Variants in BTAF1 observed in about 807,000 individuals in gnomAD.
The protein encoded by BTAF1 is TATA-binding protein-associated factor 172.
Under a neutral mutation model 227.1 loss-of-function variants are expected in BTAF1, and 38 were observed. The observed-to-expected ratio is 0.17, with a 90% CI of 0.13 to 0.22. The LOEUF (loss-of-function observed/expected upper bound fraction) is 0.22, where lower values mean the gene tolerates loss of function less well. BTAF1 is among the 10% of genes least tolerant of loss of function. BTAF1 has a pLI of 1.00. For synonymous variants in BTAF1, 742 were observed against 751.9 expected, an observed-to-expected ratio of 0.99 and a Z score of 0.21; for missense variants, 1,598 against 2,204.0, an observed-to-expected ratio of 0.73 and a Z score of 5.51.
intron 26 of BTAF1, 40 bp downstream of exon 26, chr10:92,008,315 C>T (rs756001892): frequency 6.6e-7 from 1 of 1,504,310 alleles, no homozygotes; most frequent in Non-Finnish European, 8.8e-7. Context: ...TTCAAATGAA[C>T]CTTGAAGCGT....
At chr10:91,986,035 T>A (rs10882012) in intron 19 of BTAF1, among the ~76,000 whole-genome samples, 41,345 of 151,826 alleles carry the variant, frequency 0.27, 6,880 homozygotes, top group Non-Finnish European at 0.38. Context: ...TTTTTTTTTT[T>A]AACTTTCCAA....
At position 91,992,317 on chromosome 10, in the gene BTAF1, GTTT is replaced by G. The variant is rs112721454; in HGVS notation, c.3045+21_3045+23del. 124 of 1,406,354 alleles carry G rather than the reference GTTT, an allele frequency of 8.8e-5. No homozygotes were observed. Among genetic ancestry groups the G allele is most frequent in the South Asian group, 2.4e-4 (16 of 67,186 alleles). The allele number at this position is 1,406,354 out of a possible 1,614,324, so 87.1% of individuals were successfully genotyped here. ...CTTGTTGAACTTGATGAGGTAAGTA[GTTT>G]TTTTTTTTTTTTAATGCTTTGATTT... is the stretch of plus-strand genomic sequence containing the variant. On this transcript the variant is annotated intron_variant, in intron 21 of 37. Transcript: ENST00000265990.
intron 20 of BTAF1, among the ~76,000 whole-genome samples, chr10:91,991,797 GTATATATATATATATA>G (rs1166615338): frequency 2.0e-4 from 2 of 10,008 alleles, no homozygotes; most frequent in East Asian, 0.012. Flanking sequence ...GTGTGTGTGT[GTATATATATATATATA>G]TATATATATA....
In BTAF1 at chr10:91,989,547, G is replaced by A; in HGVS notation, c.2821G>A (p.Val941Ile). ...TCTAACTCCTTGTGTCACATGTCCA[G>A]TACCAACACAAAGTGGCCAGGAAAA... ...PYLTPCVTCPVPTQSGQENSK... is the reference protein window; with the variant it reads ...PYLTPCVTCPIPTQSGQENSK... The change falls in exon 20 of 38, where the codon GTA becomes ATA. Residue 941 changes from valine (V) to isoleucine (I), a missense_variant. Physicochemically the swap from Val to Ile is conservative, Grantham distance 29 (BLOSUM62 3). Around this residue, in one of 10 missense-constraint regions of BTAF1, gnomAD observed 425 missense variants for 491.2 expected, o/e 0.87. Coordinates refer to ENST00000265990, the MANE Select transcript of BTAF1 (RefSeq NM_003972.3). The A allele has an allele frequency of 6.2e-7, 1 of 1,606,184 alleles. No homozygotes were observed. Among genetic ancestry groups the A allele is most frequent in the East Asian group, 2.2e-5 (1 of 44,860 alleles).
At chr10:91,981,504 A>G (rs1454397515) in intron 15 of BTAF1, 139 bp from the exon 16 acceptor site, 1 of 891,894 alleles carries the variant, frequency 1.1e-6, no homozygotes, top group East Asian at 2.8e-5. Flanking sequence ...GTATTTCAAA[A>G]TAAGCCTCTA....
At chr10:91,948,997 G>A (rs1010160623) in intron 4 of BTAF1, among the ~76,000 whole-genome samples, 1 of 152,088 alleles carries the variant, frequency 6.6e-6, no homozygotes, top group Non-Finnish European at 1.5e-5. Flanking sequence ...ATTGAGCGTT[G>A]TTATATTAGT....
At chr10:92,025,069 A>AT (rs141818329) in intron 35 of BTAF1, 102 bp downstream of exon 35, 1 of 992,658 alleles carries the variant, frequency 1.0e-6, no homozygotes, top group Non-Finnish European at 1.5e-6. Flanking sequence ...CTGCAAATGC[A>AT]TTTTTTTAAT....
chr10:91,941,089 T>C (rs1844962434), intron 3 of BTAF1, among the ~76,000 whole-genome samples: 1 of 152,192 alleles, frequency 6.6e-6, no homozygotes, highest in South Asian at 2.1e-4. Context: ...CTGATACCTG[T>C]TATTTTGAGT....
intron 14 of BTAF1, among the ~76,000 whole-genome samples, chr10:91,979,897 A>T (rs1847952826): frequency 6.6e-6 from 1 of 152,190 alleles, no homozygotes; most frequent in South Asian, 2.1e-4. Flanking sequence ...TTCTGATAAC[A>T]TAGTGTACAT....
intron 24 of BTAF1, among the ~76,000 whole-genome samples, chr10:91,996,847 TACTTTATGA>T (rs1380865190): frequency 6.6e-6 from 1 of 152,234 alleles, no homozygotes; most frequent in Non-Finnish European, 1.5e-5. Context: ...TAGTTTTATG[TACTTTATGA>T]ACTATATGTC....
chr10:91,991,279 T>TATATATATATATATATATATATATATAA (rs1256838673), intron 20 of BTAF1, among the ~76,000 whole-genome samples: 3,255 of 97,566 alleles, frequency 0.033, 140 homozygotes, highest in Non-Finnish European at 0.055. Flanking sequence ...TAAATATATA[T>TATATATATATATATATATATATATATAA]ATATATATAT....
intron 1 of BTAF1, among the ~76,000 whole-genome samples, chr10:91,930,890 CT>C (rs1844233399): frequency 6.6e-6 from 1 of 152,118 alleles, no homozygotes; most frequent in African/African-American, 2.4e-5. Flanking sequence ...ACAAAGCTGT[CT>C]TTTTGAGGTA....
chr10:91,992,851 G>T (rs1019662052), intron 21 of BTAF1, among the ~76,000 whole-genome samples: 2 of 152,076 alleles, frequency 1.3e-5, no homozygotes, highest in African/African-American at 2.4e-5. Flanking sequence ...CTGTTACACC[G>T]TACAGTCTTA....
At chr10:91,970,783 T>TA (rs1297116470) in intron 14 of BTAF1, among the ~76,000 whole-genome samples, 2 of 152,162 alleles carry the variant, frequency 1.3e-5, no homozygotes, top group African/African-American at 4.8e-5. Context: ...TACAAAGAGT[T>TA]AAATAACAGA....
chr10:91,980,078 C>T (rs1489817877), intron 14 of BTAF1, among the ~76,000 whole-genome samples: 3 of 152,112 alleles, frequency 2.0e-5, no homozygotes, highest in Non-Finnish European at 2.9e-5. Flanking sequence ...TCTAGCACAA[C>T]AGCAGTAACC....
intron 20 of BTAF1, among the ~76,000 whole-genome samples, chr10:91,991,551 G>T (rs1324664551): frequency 4.7e-5 from 7 of 150,312 alleles, no homozygotes; most frequent in Non-Finnish European, 8.9e-5. Flanking sequence ...AGGAGTTTGA[G>T]ACCAGCCTGG....
At chr10:91,967,293 G>C (rs2133924404) in intron 14 of BTAF1, among the ~76,000 whole-genome samples, 1 of 152,316 alleles carries the variant, frequency 6.6e-6, no homozygotes, top group Admixed American at 6.5e-5. Context: ...GATAATATCA[G>C]TGTGTAAATG....
chr10:92,008,795 A>T (rs374322542), intron 26 of BTAF1, 34 bp from the exon 27 acceptor site: 3 of 1,514,572 alleles, frequency 2.0e-6, no homozygotes, highest in Non-Finnish European at 1.8e-6. Flanking sequence ...TAAATTTATG[A>T]TGTATTCACA....
At chr10:91,974,381 A>C (rs1056542689) in intron 14 of BTAF1, among the ~76,000 whole-genome samples, 1 of 152,218 alleles carries the variant, frequency 6.6e-6, no homozygotes. Context: ...AATGTCCTTA[A>C]ATAAAACTAC....
Sources: gnomAD v4.1 joint callset for allele counts (sites outside exome capture counted in the v4.1 genomes callset) on GRCh38, gnomAD v4.1.1 for gene constraint, gnomAD v4.1.1 regional missense constraint, MANE v1.5 for transcripts, NCBI Gene and HGNC (gene_info 2026-07-23, HGNC 2026-07-21) for gene names.